MORC1: variants seen among roughly 807,000 people sequenced by gnomAD.
The protein encoded by MORC1 is MORC family CW-type zinc finger 1.
In MORC1, 59 loss-of-function variants were observed where a neutral mutation model predicts 134.9. That is an observed-to-expected ratio of 0.44 (90% CI 0.35 to 0.54). The LOEUF (loss-of-function observed/expected upper bound fraction) is 0.54. Ranked by LOEUF, MORC1 falls within the 20% of genes least tolerant of loss-of-function variation. The probability of loss-of-function intolerance (pLI) is 0.00; values close to 1 mark genes in which losing one functional copy is unlikely to be tolerated. For synonymous variants in MORC1, 395 were observed against 391.7 expected (o/e 1.01, Z -0.10); for missense variants, 947 against 1,134.5 (o/e 0.83, Z 2.37).
intron 20 of MORC1, among the ~76,000 whole-genome samples, chr3:109,003,681 T>C (rs530069924): frequency 7.2e-5 from 11 of 152,274 alleles, no homozygotes; most frequent in African/African-American, 2.4e-4. Context: ...TCTGAATATA[T>C]AAAACTTTAC....
intron 1 of MORC1, among the ~76,000 whole-genome samples, chr3:109,115,793 T>TA (rs1951259209): frequency 6.6e-6 from 1 of 152,122 alleles, no homozygotes; most frequent in South Asian, 2.1e-4. Flanking sequence ...GCTGGTGGGG[T>TA]ACACGGAAAA....
Position 109,028,519 on chromosome 3 carries a change from T to C in MORC1, c.1566-630A>G, listed in dbSNP as rs556951080. ...CAGCCTTACAGATATGCTGTTCTAA[T>C]AACTTGTGGGTTAGTAAATACATAA... is the stretch of plus-strand genomic sequence containing the variant. On this transcript the variant is annotated intron_variant, in intron 16 of 27. Transcript: ENST00000232603. Among the ~76,000 whole-genome samples, 74 of 152,296 alleles carry C rather than the reference T, an allele frequency of 4.9e-4. 1 individual carries two copies. The highest frequency in any genetic ancestry group is 1.6e-3 in the African/African-American group (66 of 41,554).
chr3:108,985,150 T>C (rs1947863219), intron 22 of MORC1, among the ~76,000 whole-genome samples: 1 of 152,158 alleles, frequency 6.6e-6, no homozygotes, highest in Admixed American at 6.5e-5. Context: ...TATTTGGGGT[T>C]CAGGTTCAAA....
intron 13 of MORC1, 110 bp from the exon 14 acceptor site, chr3:109,054,992 T>C: frequency 1.0e-6 from 1 of 994,758 alleles, no homozygotes; most frequent in Non-Finnish European, 1.5e-6. Context: ...ATTCATTCTG[T>C]TGATCTGGAC....
intron 21 of MORC1, among the ~76,000 whole-genome samples, chr3:108,997,184 A>T (rs1948257506): frequency 6.6e-6 from 1 of 152,068 alleles, no homozygotes; most frequent in South Asian, 2.1e-4. Context: ...ATGATCAGAA[A>T]ATAAGGATTG....
intron 17 of MORC1, among the ~76,000 whole-genome samples, chr3:109,021,969 T>A (rs879664461): frequency 2.0e-5 from 3 of 152,210 alleles, no homozygotes; most frequent in Admixed American, 2.0e-4. Flanking sequence ...TAATGTCTCA[T>A]TTGGTATGCC....
chr3:109,035,344 T>C lies in MORC1; in HGVS notation c.1455A>G (p.Gln485=), dbSNP rs758240127. 79 of 1,586,924 alleles carry C rather than the reference T, an allele frequency of 5.0e-5. No individual in the cohort carries two copies. Among genetic ancestry groups the C allele is most frequent in the Non-Finnish European group, 6.1e-5 (71 of 1,166,872 alleles). Residue 485 remains glutamine (Q), a synonymous_variant, in exon 15 of 28, where the codon CAA becomes CAG. Transcript: ENST00000232603. ...RQAMGIPFII[Q]CDLCLKWRVL... is the part of the protein sequence containing the mutation. Reference sequence around the variant, plus strand: ...ATAATGGACTTCAACACTCACCACATTGTATGATGAATGGGATACCCATGG... The same window carrying C: ...ATAATGGACTTCAACACTCACCACACTGTATGATGAATGGGATACCCATGG...
intron 14 of MORC1, among the ~76,000 whole-genome samples, chr3:109,041,326 A>G (rs1187804760): frequency 6.6e-6 from 1 of 151,916 alleles, no homozygotes; most frequent in Non-Finnish European, 1.5e-5. Flanking sequence ...AAAAGAAAAA[A>G]AAGAGAAAGC....
At chr3:108,975,904 C>T (rs985965241) in intron 24 of MORC1, among the ~76,000 whole-genome samples, 1 of 152,072 alleles carries the variant, frequency 6.6e-6, no homozygotes, top group Non-Finnish European at 1.5e-5. Flanking sequence ...CTCAGTTGCA[C>T]TCCAATATTT....
intron 17 of MORC1, 118 bp downstream of exon 17, chr3:109,027,633 A>G: frequency 1.5e-6 from 2 of 1,351,278 alleles, no homozygotes; most frequent in Non-Finnish European, 2.1e-6. Flanking sequence ...GATGTCAAAA[A>G]GGACAGGAAA....
chr3:109,101,859 C>G (rs1232760487), intron 4 of MORC1, among the ~76,000 whole-genome samples: 3 of 152,200 alleles, frequency 2.0e-5, no homozygotes, highest in East Asian at 1.9e-4. Context: ...GAGGGTACAG[C>G]TAGGATTATA....
intron 14 of MORC1, chr3:109,049,127 T>C (rs773238165): frequency 2.9e-5 from 29 of 983,696 alleles, no homozygotes; most frequent in Non-Finnish European, 3.5e-5. Context: ...GCTTCATCAC[T>C]CGACGTGTAT....
Position 108,971,407 on chromosome 3 carries a change from G to T in MORC1, c.2478-5C>A. 6.2e-7 allele frequency: 1 copy of T among 1,609,376 alleles called. No homozygotes were observed. Among genetic ancestry groups the T allele is most frequent in the South Asian group, 1.1e-5 (1 of 90,840 alleles). ...AAAAAATACAGAAGAATCTCCCTAG[G>T]AATACAAGCACAGCAGATATGGGAA... On this transcript the variant is annotated splice_polypyrimidine_tract_variant and splice_region_variant and intron_variant, in intron 24 of 27. Transcript: ENST00000232603.
chr3:109,038,671 C>T (rs1949437692), intron 14 of MORC1, among the ~76,000 whole-genome samples: 1 of 152,114 alleles, frequency 6.6e-6, no homozygotes, highest in African/African-American at 2.4e-5. Flanking sequence ...GCCAGTTTTC[C>T]CAGCACTATT....
chr3:108,971,602 G>A (rs1413258270), intron 24 of MORC1, among the ~76,000 whole-genome samples, 200 bp from the exon 25 acceptor site: 1 of 152,130 alleles, frequency 6.6e-6, no homozygotes, highest in East Asian at 1.9e-4. Flanking sequence ...GGTGGGTGTG[G>A]CTATAAAAAG....
chr3:109,010,701 G>A (rs1438506617), intron 17 of MORC1, among the ~76,000 whole-genome samples: 3 of 152,106 alleles, frequency 2.0e-5, no homozygotes, highest in African/African-American at 7.2e-5. Flanking sequence ...CCACTGATCT[G>A]CTTTCTCTTG....
chr3:108,970,423 A>G (rs1178109592), intron 25 of MORC1, among the ~76,000 whole-genome samples: 1 of 152,174 alleles, frequency 6.6e-6, no homozygotes, highest in African/African-American at 2.4e-5. Context: ...ACTTATCAAG[A>G]GGTCACTGGT....
chr3:108,969,871 T>C (rs1300458771), intron 25 of MORC1, 149 bp from the exon 26 acceptor site: 1 of 623,112 alleles, frequency 1.6e-6, no homozygotes, highest in Non-Finnish European at 2.7e-6. Flanking sequence ...TAAGTCTGGG[T>C]CTAATTAAAT....
At chr3:108,983,364 G>A (rs1947803678) in intron 23 of MORC1, among the ~76,000 whole-genome samples, 2 of 151,932 alleles carry the variant, frequency 1.3e-5, no homozygotes, top group South Asian at 4.2e-4. Flanking sequence ...GAGAAAATAA[G>A]CAAGCTAAAA....
Sources: allele counts gnomAD v4.1 joint callset (sites outside exome capture counted in the v4.1 genomes callset), GRCh38; gene constraint gnomAD v4.1.1; transcripts MANE v1.5; gene names NCBI Gene and HGNC (gene_info 2026-07-23, HGNC 2026-07-21).